The following MAGI2 variants were observed in gnomAD, a reference collection of about 807,000 sequenced individuals.
The protein encoded by MAGI2 is membrane associated guanylate kinase, WW and PDZ domain containing 2.
Under a neutral mutation model 133.3 loss-of-function variants are expected in MAGI2, and 35 were observed. The ratio of observed to expected loss-of-function variants is 0.26; its 90% confidence interval spans 0.20 to 0.35. The LOEUF (loss-of-function observed/expected upper bound fraction) is 0.35. Among genes scored for constraint, MAGI2 ranks in the 10% least tolerant of loss-of-function variants. The probability of loss-of-function intolerance (pLI) is 1.00; values close to 1 mark genes in which losing one functional copy is unlikely to be tolerated. For missense variants in MAGI2, 1,636 were observed against 1,863.4 expected (o/e 0.88, Z 2.25); for synonymous variants, 729 against 710.6 (o/e 1.03, Z -0.41).
intron 3 of MAGI2, among the ~76,000 whole-genome samples, chr7:78,584,688 G>T (rs947812266): frequency 1.3e-5 from 2 of 152,142 alleles, no homozygotes; most frequent in African/African-American, 2.4e-5. Flanking sequence ...ATTGAAGAAG[G>T]TGGCTGGCAC....
In MAGI2 at chr7:78,040,751, C is replaced by T. The variant is rs547782349; in HGVS notation, c.3707-20775G>A. On this transcript the variant is annotated intron_variant, in intron 21 of 21. Transcript: ENST00000354212. ...ACGTCTAAACCCTCGTGAAGTCTGC[C>T]TACACATTTACATCATTCTCTATTC... is the stretch of plus-strand genomic sequence containing the variant. Among the ~76,000 whole-genome samples the T allele has an allele frequency of 9.7e-4, 148 of 152,284 alleles. 1 individual carries two copies. The highest frequency in any genetic ancestry group is 1.9e-3 in the Non-Finnish European group (126 of 68,026).
chr7:79,304,205 G>GTGTGTGTC (rs1554438927), intron 1 of MAGI2, among the ~76,000 whole-genome samples: 16 of 145,418 alleles, frequency 1.1e-4, no homozygotes, highest in Non-Finnish European at 2.0e-4. Flanking sequence ...GTGTGTGTCT[G>GTGTGTGTC]TGTGTGTGTG....
intron 1 of MAGI2, among the ~76,000 whole-genome samples, chr7:79,324,888 C>A (rs1839568059): frequency 6.6e-6 from 1 of 150,866 alleles, no homozygotes; most frequent in South Asian, 2.1e-4. Flanking sequence ...TACAAAGAAA[C>A]AAACAAAAGA....
intron 10 of MAGI2, among the ~76,000 whole-genome samples, chr7:78,218,966 A>G (rs1181215481): frequency 6.6e-6 from 1 of 151,816 alleles, no homozygotes; most frequent in Non-Finnish European, 1.5e-5. Context: ...GTCCTCGTCT[A>G]CCTCCCACGT....
chr7:78,964,880 A>G (rs1427983056), intron 2 of MAGI2, among the ~76,000 whole-genome samples: 2 of 152,028 alleles, frequency 1.3e-5, no homozygotes, highest in African/African-American at 4.8e-5. Flanking sequence ...ACACCAGAAT[A>G]TCATACAGTC....
rs549583967 is a variant in MAGI2, at chr7:78,571,090, GCTCT to G, written c.539-49449_539-49446del. Among the ~76,000 whole-genome samples, 102 of 152,238 alleles carry G rather than the reference GCTCT, an allele frequency of 6.7e-4. 1 individual carries two copies. The South Asian group carries it at 8.7e-3, about 13-fold the overall frequency. On this transcript the variant is annotated intron_variant, in intron 3 of 21. Coordinates refer to ENST00000354212, the MANE Select transcript of MAGI2 (RefSeq NM_012301.4). ...CAGTGTTATCTCCTCGAAGTGAAAT[GCTCT>G]CTGTCATGTTGATTTAGTTTAAATA...
intron 2 of MAGI2, among the ~76,000 whole-genome samples, chr7:78,973,880 T>A: frequency 6.6e-6 from 1 of 151,980 alleles, no homozygotes; most frequent in Non-Finnish European, 1.5e-5. Flanking sequence ...GCTCTTCTCC[T>A]GTCTCTACTT....
chr7:78,333,925 T>C (rs774500925), intron 9 of MAGI2, among the ~76,000 whole-genome samples: 1 of 152,160 alleles, frequency 6.6e-6, no homozygotes, highest in Non-Finnish European at 1.5e-5. Context: ...CATAGTTTGT[T>C]AGGCAGCAAT....
chr7:78,627,077 T>C (rs763917647), intron 3 of MAGI2, 43 bp downstream of exon 3: 2 of 1,530,988 alleles, frequency 1.3e-6, no homozygotes, highest in African/African-American at 1.4e-5. Context: ...ATGAGAAAAA[T>C]GTGATGCCAA....
At chr7:79,042,624 AC>A (rs1811775907) in intron 1 of MAGI2, among the ~76,000 whole-genome samples, 2 of 152,182 alleles carry the variant, frequency 1.3e-5, no homozygotes, top group African/African-American at 4.8e-5. Flanking sequence ...GACTTTGATA[AC>A]CACACAACAA....
At chr7:78,066,414 A>G (rs1340828887) in intron 21 of MAGI2, among the ~76,000 whole-genome samples, 1 of 152,016 alleles carries the variant, frequency 6.6e-6, no homozygotes, top group Non-Finnish European at 1.5e-5. Flanking sequence ...GTGAGCCGAC[A>G]TAGCACCACT....
intron 2 of MAGI2, among the ~76,000 whole-genome samples, chr7:78,958,036 C>A (rs962179991): frequency 1.8e-4 from 27 of 152,122 alleles, no homozygotes; most frequent in African/African-American, 6.0e-4. Context: ...GACTAAGCCA[C>A]CCAATTAAAT....
At chr7:78,652,757 T>G (rs538206703) in intron 2 of MAGI2, among the ~76,000 whole-genome samples, 12 of 151,872 alleles carry the variant, frequency 7.9e-5, no homozygotes, top group Non-Finnish European at 1.5e-5. Flanking sequence ...CCAAAAGCAA[T>G]AGCAACAAAA....
chr7:79,332,668 T>C (rs1028245335), intron 1 of MAGI2, among the ~76,000 whole-genome samples: 1 of 152,222 alleles, frequency 6.6e-6, no homozygotes, highest in African/African-American at 2.4e-5. Context: ...TGCAGGTATG[T>C]AAGTCCCAAT....
At chr7:78,779,220 G>A (rs2151335890) in intron 2 of MAGI2, among the ~76,000 whole-genome samples, 1 of 150,202 alleles carries the variant, frequency 6.7e-6, no homozygotes, top group African/African-American at 2.4e-5. Flanking sequence ...GCCTTTCAAA[G>A]TAGTCATTCA....
intron 3 of MAGI2, among the ~76,000 whole-genome samples, chr7:78,608,431 G>A (rs775278767): frequency 6.6e-6 from 1 of 151,212 alleles, no homozygotes; most frequent in Non-Finnish European, 1.5e-5. Context: ...GCGACTGAAT[G>A]TGTGTGCATA....
chr7:78,309,469 T>G (rs1798513439), intron 9 of MAGI2, among the ~76,000 whole-genome samples: 1 of 152,160 alleles, frequency 6.6e-6, no homozygotes, highest in African/African-American at 2.4e-5. Context: ...TTCTCACTTA[T>G]AAGTGGCAGC....
chr7:79,052,203 G>C (rs1562834505), intron 1 of MAGI2, among the ~76,000 whole-genome samples: 1 of 152,080 alleles, frequency 6.6e-6, no homozygotes, highest in Non-Finnish European at 1.5e-5. Flanking sequence ...GACTCAGCAG[G>C]GGGAGGAAAA....
At chr7:78,887,638 A>C (rs971543654) in intron 2 of MAGI2, among the ~76,000 whole-genome samples, 1 of 152,248 alleles carries the variant, frequency 6.6e-6, no homozygotes, top group Non-Finnish European at 1.5e-5. Context: ...ACACATATCC[A>C]CCCAACTCCC....
Sources: allele counts gnomAD v4.1 joint callset (sites outside exome capture counted in the v4.1 genomes callset), GRCh38; gene constraint gnomAD v4.1.1; transcripts MANE v1.5; gene names NCBI Gene and HGNC (gene_info 2026-07-23, HGNC 2026-07-21).